ACYP2: variants seen among roughly 807,000 people sequenced by gnomAD.
ACYP2 encodes the protein acylphosphatase 2, also known as acylphosphatase-2.
A neutral mutation model predicts 11.2 loss-of-function variants in ACYP2; 12 were observed. That is an observed-to-expected ratio of 1.08 (90% CI 0.69 to 1.74). The LOEUF is 1.74. Among genes scored for constraint, ACYP2 ranks in the 40% most tolerant of loss-of-function variants. The pLI is 0.00. For missense variants in ACYP2, 134 were observed against 101.9 expected, an observed-to-expected ratio of 1.31 and a Z score of -1.35; for synonymous variants, 43 against 32.2, an observed-to-expected ratio of 1.33 and a Z score of -1.13.
At chr2:53,985,737 G>A (rs1672005326) in intron 2 of ACYP2, among the ~76,000 whole-genome samples, 1 of 152,144 alleles carries the variant, frequency 6.6e-6, no homozygotes, top group East Asian at 1.9e-4. Flanking sequence ...TTTGGGTCAT[G>A]GGGGAGGATC....
chr2:54,017,253 G>C (rs1055060703), intron 2 of ACYP2, among the ~76,000 whole-genome samples: 15 of 129,926 alleles, frequency 1.2e-4, no homozygotes, highest in Admixed American at 5.4e-4. Flanking sequence ...TGGCCGTTAA[G>C]TTTCTTTTCT....
intron 2 of ACYP2, among the ~76,000 whole-genome samples, chr2:54,007,061 C>T (rs1463730648): frequency 1.5e-5 from 2 of 137,580 alleles, no homozygotes; most frequent in African/African-American, 2.7e-5. Flanking sequence ...GGAGGCGGAA[C>T]CTAGGAGGTG....
At chr2:54,172,995 C>T (rs554107183) in intron 6 of ACYP2, among the ~76,000 whole-genome samples, 11 of 152,204 alleles carry the variant, frequency 7.2e-5, no homozygotes, top group South Asian at 6.2e-4. Flanking sequence ...TGAATAGTGC[C>T]GCAATAAACA....
At chr2:54,269,908 T>C (rs1688207065) in intron 6 of ACYP2, among the ~76,000 whole-genome samples, 1 of 152,238 alleles carries the variant, frequency 6.6e-6, no homozygotes, top group Admixed American at 6.5e-5. Context: ...ATAATTCTAA[T>C]GACTATATAA....
At chr2:54,032,874 A>G (rs1356996153) in intron 2 of ACYP2, among the ~76,000 whole-genome samples, 2 of 152,192 alleles carry the variant, frequency 1.3e-5, no homozygotes, top group East Asian at 3.9e-4. Context: ...AAGAATCAAT[A>G]TTGTGAAAAT....
chr2:54,168,697 G>T (rs1023887910), intron 6 of ACYP2, among the ~76,000 whole-genome samples: 1 of 152,068 alleles, frequency 6.6e-6, no homozygotes, highest in Admixed American at 6.6e-5. Flanking sequence ...GAAACCCAAT[G>T]AATTTTAAAA....
chr2:54,249,541 G>A (rs17045711), intron 6 of ACYP2, among the ~76,000 whole-genome samples: 22,283 of 152,048 alleles, frequency 0.15, 1,643 homozygotes, highest in African/African-American at 0.18. Context: ...CTCAGAAAGC[G>A]TTTAAAGAAA....
At chr2:54,169,501 A>G (rs1211417295) in intron 6 of ACYP2, among the ~76,000 whole-genome samples, 1 of 152,038 alleles carries the variant, frequency 6.6e-6, no homozygotes, top group Admixed American at 6.6e-5. Flanking sequence ...GTTGGCCATG[A>G]TGGCCTCATG....
chr2:54,165,414 T>G (rs1682907141), intron 6 of ACYP2, among the ~76,000 whole-genome samples: 1 of 152,116 alleles, frequency 6.6e-6, no homozygotes, highest in Admixed American at 6.5e-5. Flanking sequence ...TCTTAAAATT[T>G]TAGATCTAGA....
At chr2:54,168,189 T>G (rs982612936) in intron 6 of ACYP2, among the ~76,000 whole-genome samples, 5 of 152,000 alleles carry the variant, frequency 3.3e-5, no homozygotes, top group African/African-American at 1.2e-4. Context: ...CTTTGGTAGG[T>G]TGAGGTGAGC....
At chr2:54,274,723 A>G (rs1201185958) in intron 6 of ACYP2, among the ~76,000 whole-genome samples, 2 of 151,890 alleles carry the variant, frequency 1.3e-5, no homozygotes, top group Admixed American at 6.6e-5. Context: ...TAACCTTAGA[A>G]TGTCAAAGAT....
intron 6 of ACYP2, among the ~76,000 whole-genome samples, chr2:54,287,338 C>A (rs1020361773): frequency 4.6e-5 from 7 of 151,960 alleles, no homozygotes; most frequent in African/African-American, 1.7e-4. Flanking sequence ...AAGGGCCCCC[C>A]CTCATGACCT....
chr2:53,973,428 A>C (rs1396829320), intron 1 of ACYP2, among the ~76,000 whole-genome samples: 2 of 152,108 alleles, frequency 1.3e-5, no homozygotes, highest in Non-Finnish European at 2.9e-5. Flanking sequence ...GAAGATCCAC[A>C]AAAAAAGTGA....
At chr2:54,144,030 C>A (rs57995357) in intron 6 of ACYP2, among the ~76,000 whole-genome samples, 10,094 of 152,090 alleles carry the variant, frequency 0.066, 509 homozygotes, top group East Asian at 0.29. Context: ...AGTGCAATGG[C>A]ACAATCACAG....
intron 2 of ACYP2, among the ~76,000 whole-genome samples, chr2:53,991,806 T>A (rs1021022700): frequency 1.3e-5 from 2 of 152,092 alleles, no homozygotes; most frequent in Non-Finnish European, 2.9e-5. Context: ...TTATTTTTAT[T>A]TAGCGATGAG....
At chr2:54,303,233 C>T (rs2040836588) in intron 6 of ACYP2, among the ~76,000 whole-genome samples, 1 of 152,016 alleles carries the variant, frequency 6.6e-6, no homozygotes, top group Non-Finnish European at 1.5e-5. Context: ...TGCCTGTAGT[C>T]CCAGCTACCT....
At chr2:54,173,566 G>A (rs1243998252) in intron 6 of ACYP2, among the ~76,000 whole-genome samples, 5 of 152,170 alleles carry the variant, frequency 3.3e-5, no homozygotes, top group East Asian at 1.9e-4. Context: ...TGTCTATTTC[G>A]GCTTTTGTTG....
chr2:54,140,778 G>GT (rs917380028), intron 6 of ACYP2, among the ~76,000 whole-genome samples: 1 of 151,682 alleles, frequency 6.6e-6, no homozygotes. Context: ...TTTCTGTCTT[G>GT]TTTTTTGCAA....
chr2:54,134,244 G>A (rs1440797623), intron 4 of ACYP2, among the ~76,000 whole-genome samples: 2 of 152,060 alleles, frequency 1.3e-5, no homozygotes, highest in South Asian at 4.1e-4. Context: ...AGTGAGCTAC[G>A]ATTGCATCAC....
Sources: gnomAD v4.1 joint callset for allele counts (sites outside exome capture counted in the v4.1 genomes callset) on GRCh38, gnomAD v4.1.1 for gene constraint, MANE v1.5 for transcripts, NCBI Gene and HGNC (gene_info 2026-07-23, HGNC 2026-07-21) for gene names.